Variants in BBS9 observed in about 807,000 individuals in gnomAD.
The protein encoded by BBS9 is protein PTHB1.
A neutral mutation model predicts 117.7 loss-of-function variants in BBS9; 89 were observed. The ratio of observed to expected loss-of-function variants is 0.76; its 90% CI spans 0.64 to 0.90. The LOEUF is 0.90. Ranked by LOEUF, BBS9 falls within the 40% of genes least tolerant of loss-of-function variation. BBS9 has a pLI of 0.00. For synonymous variants in BBS9, 379 were observed against 370.9 expected (o/e 1.02, Z -0.25); for missense variants, 982 against 1,042.2 (o/e 0.94, Z 0.80).
At chr7:33,254,194 A>G (rs1037788033) in intron 5 of BBS9, among the ~76,000 whole-genome samples, 4 of 152,132 alleles carry the variant, frequency 2.6e-5, no homozygotes, top group African/African-American at 4.8e-5. Flanking sequence ...CATTTCTCAC[A>G]GCTGACAGTG....
intron 21 of BBS9, among the ~76,000 whole-genome samples, chr7:33,545,973 G>T (rs187787505): frequency 1.8e-5 from 2 of 109,214 alleles, no homozygotes; most frequent in Admixed American, 1.5e-4. Flanking sequence ...TTGCTCTGTC[G>T]CCCAGGCTGG....
At chr7:33,535,247 A>C (rs1851197964) in intron 21 of BBS9, among the ~76,000 whole-genome samples, 1 of 152,220 alleles carries the variant, frequency 6.6e-6, no homozygotes, top group South Asian at 2.1e-4. Flanking sequence ...TCCTAAAAAA[A>C]TGAATGTAAT....
chr7:33,525,806 G>T (rs1269667347), intron 20 of BBS9, among the ~76,000 whole-genome samples: 18 of 141,158 alleles, frequency 1.3e-4, no homozygotes, highest in Admixed American at 2.8e-4. Context: ...GTTAGCTGGT[G>T]ATTTTGCTCG....
chr7:33,170,924 C>T (rs1445245063), intron 4 of BBS9, among the ~76,000 whole-genome samples: 1 of 151,100 alleles, frequency 6.6e-6, no homozygotes, highest in Admixed American at 6.6e-5. Flanking sequence ...TCAAGGAGAA[C>T]TACAAACCAC....
downstream of BBS9, among the ~76,000 whole-genome samples, chr7:33,610,372 A>T (rs1017128922): frequency 1.3e-5 from 2 of 152,096 alleles, no homozygotes; most frequent in African/African-American, 4.8e-5. Flanking sequence ...GCATTCTGGA[A>T]GCTGGGAAGT....
At chr7:33,196,723 C>T (rs1203327337) in intron 5 of BBS9, among the ~76,000 whole-genome samples, 1 of 152,130 alleles carries the variant, frequency 6.6e-6, no homozygotes, top group Non-Finnish European at 1.5e-5. Flanking sequence ...TTTTAAGATC[C>T]TTTATGGATC....
At chr7:33,233,788 C>T (rs1792940676) in intron 5 of BBS9, among the ~76,000 whole-genome samples, 1 of 152,008 alleles carries the variant, frequency 6.6e-6, no homozygotes, top group African/African-American at 2.4e-5. Context: ...CTAAGAAAAA[C>T]AAACCTTTTT....
chr7:33,186,958 A>G (rs1057044095), intron 5 of BBS9, among the ~76,000 whole-genome samples: 7 of 152,230 alleles, frequency 4.6e-5, no homozygotes, highest in Non-Finnish European at 1.5e-5. Flanking sequence ...AAGATATGTT[A>G]GTAATATTGG....
intron 21 of BBS9, among the ~76,000 whole-genome samples, chr7:33,565,689 C>T (rs933442283): frequency 2.7e-5 from 4 of 149,208 alleles, no homozygotes; most frequent in African/African-American, 9.8e-5. Flanking sequence ...AGTCTATCTT[C>T]AGGTCTGACT....
At chr7:33,289,958 A>C (rs1297907613) in intron 9 of BBS9, among the ~76,000 whole-genome samples, 1 of 152,048 alleles carries the variant, frequency 6.6e-6, no homozygotes, top group African/African-American at 2.4e-5. Context: ...AGGCAGGAGA[A>C]TCACTTGAAC....
At chr7:33,222,637 G>T (rs1300021428) in intron 5 of BBS9, among the ~76,000 whole-genome samples, 1 of 151,826 alleles carries the variant, frequency 6.6e-6, no homozygotes, top group East Asian at 1.9e-4. Flanking sequence ...ATCTGATCTT[G>T]TCTTTGTCCT....
At chr7:33,289,711 T>A (rs1036130028) in intron 9 of BBS9, among the ~76,000 whole-genome samples, 2 of 152,186 alleles carry the variant, frequency 1.3e-5, no homozygotes, top group African/African-American at 4.8e-5. Context: ...AATTTTCTTG[T>A]AAATGGGTAG....
At chr7:33,225,643 C>A (rs1168912130) in intron 5 of BBS9, among the ~76,000 whole-genome samples, 1 of 148,736 alleles carries the variant, frequency 6.7e-6, no homozygotes, top group Non-Finnish European at 1.5e-5. Flanking sequence ...CCTGCCTCAT[C>A]TTTTATATTT....
At chr7:33,369,687 T>C (rs1822494853) in intron 17 of BBS9, among the ~76,000 whole-genome samples, 1 of 152,188 alleles carries the variant, frequency 6.6e-6, no homozygotes, top group Admixed American at 6.5e-5. Context: ...GAGATAGGTA[T>C]AAGGAGAGTG....
intron 21 of BBS9, among the ~76,000 whole-genome samples, chr7:33,601,268 C>G (rs2129200107): frequency 6.6e-6 from 1 of 152,170 alleles, no homozygotes; most frequent in South Asian, 2.1e-4. Context: ...GCCTGCAGTT[C>G]TGCTTGTCCT....
chr7:33,282,068 C>T (rs1802017562), intron 9 of BBS9, among the ~76,000 whole-genome samples: 1 of 152,140 alleles, frequency 6.6e-6, no homozygotes, highest in African/African-American at 2.4e-5. Flanking sequence ...CTTTCCTTGG[C>T]CTCCCAAAAT....
chr7:33,348,061 G>A (rs1817931960), intron 12 of BBS9, among the ~76,000 whole-genome samples: 1 of 152,002 alleles, frequency 6.6e-6, no homozygotes, highest in Admixed American at 6.6e-5. Context: ...TTAGTATAGT[G>A]TATTTACAGA....
intron 19 of BBS9, among the ~76,000 whole-genome samples, chr7:33,403,784 A>C (rs539767090): frequency 1.3e-5 from 2 of 152,156 alleles, no homozygotes; most frequent in African/African-American, 2.4e-5. Context: ...ATACGTGTGC[A>C]TGTGTCTTTA....
intron 19 of BBS9, among the ~76,000 whole-genome samples, chr7:33,435,339 A>G (rs1367995630): frequency 6.6e-6 from 1 of 152,196 alleles, no homozygotes; most frequent in Non-Finnish European, 1.5e-5. Context: ...TGTTAATATC[A>G]AGGATTTGTT....
Sources: allele counts gnomAD v4.1 joint callset (sites outside exome capture counted in the v4.1 genomes callset), GRCh38; gene constraint gnomAD v4.1.1; transcripts MANE v1.5; gene names NCBI Gene and HGNC (gene_info 2026-07-23, HGNC 2026-07-21).